Variants in RSRC1 observed in about 807,000 individuals in gnomAD.
RSRC1 encodes arginine and serine rich coiled-coil 1.
In RSRC1, 39 loss-of-function variants were observed where a neutral mutation model predicts 49.1. The ratio of observed to expected loss-of-function variants is 0.79; its 90% CI spans 0.61 to 1.04. The LOEUF (loss-of-function observed/expected upper bound fraction) is 1.04. RSRC1 is among the 50% of genes least tolerant of loss of function. The pLI is 0.00. For missense variants in RSRC1, 388 were observed against 402.4 expected (o/e 0.96, Z 0.31); for synonymous variants, 143 against 130.8 (o/e 1.09, Z -0.63).
intron 6 of RSRC1, among the ~76,000 whole-genome samples, chr3:158,395,296 A>G (rs1284731665): frequency 1.3e-5 from 2 of 152,170 alleles, no homozygotes; most frequent in African/African-American, 4.8e-5. Flanking sequence ...CGAAGATACC[A>G]AAAGCAATTG....
At chr3:158,305,347 C>T (rs1476815489) in intron 5 of RSRC1, among the ~76,000 whole-genome samples, 1 of 152,018 alleles carries the variant, frequency 6.6e-6, no homozygotes, top group African/African-American at 2.4e-5. Flanking sequence ...GACTTTTATG[C>T]ACCTGAGGTT....
intron 3 of RSRC1, among the ~76,000 whole-genome samples, chr3:158,133,014 A>T (rs747291799): frequency 3.9e-5 from 6 of 152,222 alleles, no homozygotes; most frequent in Non-Finnish European, 8.8e-5. Flanking sequence ...AAACTAGAAG[A>T]TGAAGTAAGA....
chr3:158,443,450 A>G (rs1423089196), intron 6 of RSRC1, among the ~76,000 whole-genome samples: 2 of 152,150 alleles, frequency 1.3e-5, no homozygotes, highest in East Asian at 3.9e-4. Flanking sequence ...AAACCTCACA[A>G]GCCAACTTCT....
At chr3:158,490,770 A>G (rs913586525) in intron 7 of RSRC1, among the ~76,000 whole-genome samples, 3 of 152,172 alleles carry the variant, frequency 2.0e-5, no homozygotes, top group African/African-American at 7.2e-5. Context: ...ATGGAAACTG[A>G]TGCTAATCTT....
intron 6 of RSRC1, among the ~76,000 whole-genome samples, chr3:158,425,059 T>A (rs919103238): frequency 2.0e-5 from 3 of 151,216 alleles, no homozygotes; most frequent in Admixed American, 6.6e-5. Flanking sequence ...TTTTGAAGGG[T>A]TTTTTGTGTC....
intron 4 of RSRC1, among the ~76,000 whole-genome samples, chr3:158,223,858 C>T (rs1722363230): frequency 6.6e-6 from 1 of 151,668 alleles, no homozygotes; most frequent in African/African-American, 2.4e-5. Context: ...TGGAATGCCT[C>T]CTCCAGGGTC....
In RSRC1 at chr3:158,297,897, T is replaced by C. The variant is rs1047473695; in HGVS notation, c.495-142T>C. Reference sequence around the variant, plus strand: ...ATCTGTTCACTTTTGATAAAAATTGTTTTGTCCTTAAAAACAGTGTTATGA... The same window carrying C: ...ATCTGTTCACTTTTGATAAAAATTGCTTTGTCCTTAAAAACAGTGTTATGA... On this transcript the variant is annotated intron_variant, in intron 4 of 9. Transcript: ENST00000611884. 6 of 610,284 alleles carry C rather than the reference T, an allele frequency of 9.8e-6. No homozygotes were observed. In the African/African-American group the frequency reaches 1.2e-4, roughly 12 times the overall value. 37.8% of individuals were successfully genotyped at this position (610,284 alleles called of 1,614,324 possible).
chr3:158,229,117 A>AACATACGTGTATATGTGTGTATAAACAC lies in RSRC1; in HGVS notation c.494+25890_494+25891insGTATAAACACACATACGTGTATATGTGT, dbSNP rs1722747083. Among the ~76,000 whole-genome samples, 25 of 148,750 alleles carry AACATACGTGTATATGTGTGTATAAACAC rather than the reference A, an allele frequency of 1.7e-4. 9 individuals carry two copies. Among genetic ancestry groups the AACATACGTGTATATGTGTGTATAAACAC allele is most frequent in the African/African-American group, 6.1e-4 (25 of 40,804 alleles). On this transcript the variant is annotated intron_variant, in intron 4 of 9. Coordinates refer to ENST00000611884, the MANE Select transcript of RSRC1 (RefSeq NM_001271838.2). Reference sequence around the variant, plus strand: ...ACACATACGTGTATATGTGTATATAAACATACGTGTATATGTGTATATAAA... The same window carrying AACATACGTGTATATGTGTGTATAAACAC: ...ACACATACGTGTATATGTGTATATAAACATACGTGTATATGTGTGTATAAACACACATACGTGTATATGTGTATATAAA...
chr3:158,329,008 C>G (rs1729371996), intron 5 of RSRC1, among the ~76,000 whole-genome samples: 1 of 152,190 alleles, frequency 6.6e-6, no homozygotes, highest in Non-Finnish European at 1.5e-5. Flanking sequence ...CCCTGATACC[C>G]TTTCTTCCAG....
At chr3:158,199,950 C>G (rs750739452) in intron 3 of RSRC1, among the ~76,000 whole-genome samples, 1 of 150,894 alleles carries the variant, frequency 6.6e-6, no homozygotes, top group Non-Finnish European at 1.5e-5. Flanking sequence ...GGGTGACACT[C>G]TTAGTTTCTG....
chr3:158,543,561 G>T (rs960936137), intron 9 of RSRC1, 74 bp downstream of exon 9: 2 of 1,432,620 alleles, frequency 1.4e-6, no homozygotes, highest in Admixed American at 2.1e-5. Flanking sequence ...TTATCCTTTT[G>T]TGCTAACACC....
At chr3:158,325,674 C>T (rs569863303) in intron 5 of RSRC1, among the ~76,000 whole-genome samples, 99 of 152,256 alleles carry the variant, frequency 6.5e-4, no homozygotes, top group African/African-American at 2.2e-3. Flanking sequence ...ATGCCTCCAG[C>T]TTTATTCTTT....
intron 3 of RSRC1, among the ~76,000 whole-genome samples, chr3:158,173,467 A>G (rs1719003572): frequency 6.6e-6 from 1 of 152,026 alleles, no homozygotes; most frequent in Non-Finnish European, 1.5e-5. Context: ...TCTATTGTCT[A>G]TAAAACCTTC....
intron 3 of RSRC1, among the ~76,000 whole-genome samples, chr3:158,199,057 A>T (rs1301957176): frequency 6.6e-6 from 1 of 152,128 alleles, no homozygotes. Flanking sequence ...GAGATGATTG[A>T]ATCATCAGGG....
rs555152331 is a variant in RSRC1, at chr3:158,342,383, A to G, written c.532-12474A>G. Among the ~76,000 whole-genome samples, 3 of 152,292 alleles carry G rather than the reference A, an allele frequency of 2.0e-5. No individual in the cohort carries two copies. In the East Asian group the frequency reaches 5.8e-4, roughly 29 times the overall value. On this transcript the variant is annotated intron_variant, in intron 5 of 9. Transcript: ENST00000611884. ...CAGTCTTTCCCGTGCTATTCTCGTG[A>G]TAGTGAATAAGTCTCACGAGATCTG... is the stretch of plus-strand genomic sequence containing the variant.
intron 3 of RSRC1, among the ~76,000 whole-genome samples, chr3:158,145,197 G>C (rs1043237296): frequency 2.0e-5 from 3 of 152,168 alleles, no homozygotes; most frequent in African/African-American, 7.2e-5. Flanking sequence ...TAGACATGAA[G>C]TCCTTGCCCA....
At chr3:158,425,770 T>A (rs540163719) in intron 6 of RSRC1, among the ~76,000 whole-genome samples, 71 of 152,136 alleles carry the variant, frequency 4.7e-4, no homozygotes, top group African/African-American at 1.7e-3. Context: ...GGTGCTCCTT[T>A]ATTGGGTGCA....
chr3:158,389,030 A>C (rs988300950), intron 6 of RSRC1, among the ~76,000 whole-genome samples: 2 of 152,226 alleles, frequency 1.3e-5, no homozygotes, highest in African/African-American at 4.8e-5. Context: ...GAGCAAACAC[A>C]AAAGTTTATA....
intron 5 of RSRC1, among the ~76,000 whole-genome samples, chr3:158,342,571 T>C (rs559641832): frequency 6.6e-6 from 1 of 152,340 alleles, no homozygotes; most frequent in Non-Finnish European, 1.5e-5. Context: ...TTCAGGTTTG[T>C]CCTTATCAGC....
Sources: gnomAD v4.1 joint callset for allele counts (sites outside exome capture counted in the v4.1 genomes callset) on GRCh38, gnomAD v4.1.1 for gene constraint, MANE v1.5 for transcripts, NCBI Gene and HGNC (gene_info 2026-07-23, HGNC 2026-07-21) for gene names.